LAMA4: variants seen among roughly 807,000 people sequenced by gnomAD.
LAMA4 encodes the protein laminin subunit alpha-4.
A neutral mutation model predicts 207.1 loss-of-function variants in LAMA4; 127 were observed. The observed-to-expected ratio is 0.61, with a 90% CI of 0.53 to 0.71. The LOEUF is 0.71. Ranked by LOEUF, LAMA4 falls within the 30% of genes least tolerant of loss-of-function variation. The pLI is 0.00. For missense variants in LAMA4, 2,093 were observed against 2,246.5 expected (o/e 0.93, Z 1.38); for synonymous variants, 761 against 816.0 (o/e 0.93, Z 1.15).
rs1335468210 is a variant in LAMA4, at chr6:112,241,128, A to AATATATATATTC, written c.195+12827_195+12828insGAATATATATAT. Among the ~76,000 whole-genome samples, 35 of 103,796 alleles carry AATATATATATTC rather than the reference A, an allele frequency of 3.4e-4. 1 individual carries two copies. Among genetic ancestry groups the AATATATATATTC allele is most frequent in the African/African-American group, 1.2e-3 (35 of 29,100 alleles). 68.1% of individuals were successfully genotyped at this position (103,796 alleles called of 152,430 possible). On this transcript the variant is annotated intron_variant, in intron 2 of 38. Transcript: ENST00000230538. ...ATATATATATATGAATATATATATG[A>AATATATATATTC]ATATATAGGAATATATATATGAATA...
At chr6:112,202,461 T>TGTGC (rs1783812492) in intron 4 of LAMA4, among the ~76,000 whole-genome samples, 1 of 152,016 alleles carries the variant, frequency 6.6e-6, no homozygotes, top group Non-Finnish European at 1.5e-5. Context: ...TGTGTGTGTG[T>TGTGC]GTGTATGTAA....
At chr6:112,121,693 A>T (rs994497640) in intron 32 of LAMA4, 1 of 343,634 alleles carries the variant, frequency 2.9e-6, no homozygotes, top group Non-Finnish European at 5.6e-6. Context: ...TTTGTATGGG[A>T]GAGGGAGGGG....
rs201260900 is a variant in LAMA4, at chr6:112,175,282, G to T, written c.1357+31C>A. The T allele has an allele frequency of 9.9e-6, 16 of 1,610,332 alleles. No homozygotes were observed. In the African/African-American group the frequency reaches 1.6e-4, roughly 16 times the overall value. On this transcript the variant is annotated intron_variant, in intron 11 of 38. Coordinates refer to ENST00000230538, the MANE Select transcript of LAMA4 (RefSeq NM_001105206.3). ...GGACCCACAAAGAGGGCAAACATGT[G>T]CTGGGTCAGCTATGAGAGGAATACA...
At chr6:112,220,450 G>A (rs1784862535) in intron 2 of LAMA4, among the ~76,000 whole-genome samples, 1 of 152,128 alleles carries the variant, frequency 6.6e-6, no homozygotes, top group Admixed American at 6.6e-5. Context: ...AGAACTAGAT[G>A]TAACTTTATG....
rs186748135 is a variant in LAMA4, at chr6:112,107,960, T to C, written c.*1477A>G. 3.2e-3 allele frequency among the ~76,000 whole-genome samples: 484 copies of C among 152,324 alleles called. 4 individuals are homozygous for C. Among genetic ancestry groups the C allele is most frequent in the African/African-American group, 7.8e-3 (323 of 41,578 alleles). On this transcript the variant is annotated 3_prime_UTR_variant, in exon 39 of 39. Transcript: ENST00000230538. ...AAATAAAATAATTAACTTTAGCTTA[T>C]CATGGTGGCTGGCACTTAGTAAGTC...
intron 37 of LAMA4, 90 bp downstream of exon 37, chr6:112,114,573 T>A: frequency 4.6e-6 from 4 of 862,058 alleles, no homozygotes; most frequent in Non-Finnish European, 8.0e-6. Flanking sequence ...TGTCATGCAT[T>A]ACCTATCATA....
chr6:112,218,483 A>G (rs1485492633), intron 2 of LAMA4: 1 of 152,190 alleles, frequency 6.6e-6, no homozygotes, highest in Non-Finnish European at 1.5e-5. Flanking sequence ...GGTGGTTTGG[A>G]CAAGGACAGC....
chr6:112,116,215 C>A, intron 35 of LAMA4, among the ~76,000 whole-genome samples: 1 of 152,126 alleles, frequency 6.6e-6, no homozygotes, highest in East Asian at 1.9e-4. Context: ...GTGAGGCTGG[C>A]AACAGCACAC....
chr6:112,145,292 A>AG, intron 18 of LAMA4, among the ~76,000 whole-genome samples: 1 of 152,344 alleles, frequency 6.6e-6, no homozygotes, highest in Middle Eastern at 3.4e-3. Flanking sequence ...AGAGAAAGAG[A>AG]GAATGCCAAG....
chr6:112,216,951 G>T (rs1425370187), intron 2 of LAMA4, among the ~76,000 whole-genome samples: 1 of 152,196 alleles, frequency 6.6e-6, no homozygotes, highest in African/African-American at 2.4e-5. Context: ...AGTCTTTCAT[G>T]AACTTCAGTT....
intron 13 of LAMA4, among the ~76,000 whole-genome samples, chr6:112,163,766 A>G (rs893735982): frequency 6.6e-6 from 1 of 152,168 alleles, no homozygotes; most frequent in African/African-American, 2.4e-5. Context: ...ATTTTTTTAC[A>G]GGGCTTTTTT....
chr6:112,129,996 G>A lies in LAMA4; in HGVS notation c.4013C>T (p.Pro1338Leu), dbSNP rs369532296. The A allele has an allele frequency of 1.2e-6, 2 of 1,613,210 alleles. No homozygotes were observed. The highest frequency in any genetic ancestry group is 1.7e-6 in the Non-Finnish European group (2 of 1,179,528). The change falls in exon 30 of 39, where the codon CCT (proline) becomes CTT (leucine). Residue 1338 changes from proline (P) to leucine (L), a missense_variant. By Grantham distance (98) the Pro-to-Leu change is moderately conservative. This residue lies in a region of LAMA4 where 1,704 missense variants were observed against 1,788.4 expected (regional missense o/e 0.95). Coordinates refer to ENST00000230538, the MANE Select transcript of LAMA4 (RefSeq NM_001105206.3). Reference sequence around the variant, plus strand: ...TGTCTGTTCTATTTTCCCTTTGGTAGGATTCTTACTCCCAACTCTGCTTTT... The same window carrying A: ...TGTCTGTTCTATTTTCCCTTTGGTAAGATTCTTACTCCCAACTCTGCTTTT... ...VDKSRVGSKNPTKGKIEQTQA... is the reference protein window; with the variant it reads ...VDKSRVGSKNLTKGKIEQTQA...
chr6:112,157,875 G>A (rs961088422), intron 14 of LAMA4: 2 of 152,218 alleles, frequency 1.3e-5, no homozygotes, highest in African/African-American at 4.8e-5. Flanking sequence ...GACACACCAA[G>A]ATTTTATATG....
intron 6 of LAMA4, among the ~76,000 whole-genome samples, chr6:112,190,919 C>CTT (rs1172516946): frequency 1.0e-4 from 10 of 99,526 alleles, no homozygotes; most frequent in African/African-American, 3.8e-4. Context: ...TTCTTTCTTT[C>CTT]TTTCTTTCTT....
At chr6:112,213,917 G>C in intron 3 of LAMA4, 1 of 556,328 alleles carries the variant, frequency 1.8e-6, no homozygotes, top group South Asian at 2.9e-5. Flanking sequence ...AATGAGGTAA[G>C]TCAGGCAACC....
At chr6:112,229,255 C>T (rs1335470467) in intron 2 of LAMA4, among the ~76,000 whole-genome samples, 2 of 152,154 alleles carry the variant, frequency 1.3e-5, no homozygotes, top group Admixed American at 6.5e-5. Context: ...TCATGTCTTC[C>T]TCATGGCCCC....
At chr6:112,240,576 A>G (rs1175082218) in intron 2 of LAMA4, among the ~76,000 whole-genome samples, 1 of 152,156 alleles carries the variant, frequency 6.6e-6, no homozygotes, top group Non-Finnish European at 1.5e-5. Flanking sequence ...TCTGGTAGCC[A>G]TCTTTCTATT....
chr6:112,139,207 C>T lies in LAMA4; in HGVS notation c.3195G>A (p.Arg1065=). The change falls in exon 24 of 39, where the codon AGG becomes AGA. Residue 1065 remains arginine, a synonymous_variant. Transcript: ENST00000230538. ...GAGTCACCTGACCAAATTTCCCTCTCCTTGTGATGTCTCTCACCACGGCAT... is the reference window on the plus strand; with the variant it reads ...GAGTCACCTGACCAAATTTCCCTCTTCTTGTGATGTCTCTCACCACGGCAT... ...SGYAVVRDIT[R]RGKFGQVTRF... 1 of 1,614,188 alleles carries T rather than the reference C, an allele frequency of 6.2e-7. No individual in the cohort carries two copies. The highest frequency in any genetic ancestry group is 1.1e-5 in the South Asian group (1 of 91,078).
At chr6:112,158,657 C>T (rs1440664679) in intron 14 of LAMA4, 75 bp downstream of exon 14, 69 of 1,376,804 alleles carry the variant, frequency 5.0e-5, no homozygotes, top group Non-Finnish European at 7.0e-5. Context: ...CCCAGTAGTT[C>T]TGACATATGG....
Sources: gnomAD v4.1 joint callset for allele counts (sites outside exome capture counted in the v4.1 genomes callset) on GRCh38, gnomAD v4.1.1 for gene constraint, gnomAD v4.1.1 regional missense constraint, MANE v1.5 for transcripts, NCBI Gene and HGNC (gene_info 2026-07-23, HGNC 2026-07-21) for gene names.